Variants in SRD5A2 observed in about 807,000 individuals in gnomAD.
SRD5A2 encodes the protein 3-oxo-5-alpha-steroid 4-dehydrogenase 2.
Under a neutral mutation model 27.4 loss-of-function variants are expected in SRD5A2, and 30 were observed. The ratio of observed to expected loss-of-function variants is 1.10; its 90% CI spans 0.82 to 1.49. SRD5A2 has a LOEUF of 1.49. Ranked by LOEUF, SRD5A2 falls within the 40% of genes most tolerant of loss-of-function variation. The pLI, the probability that SRD5A2 is intolerant of heterozygous loss-of-function variation, is 0.00. For synonymous variants in SRD5A2, 141 were observed against 133.6 expected (o/e 1.06, Z -0.38); for missense variants, 348 against 323.4 (o/e 1.08, Z -0.58).
intron 2 of SRD5A2, among the ~76,000 whole-genome samples, chr2:31,532,755 G>T (rs1665939943): frequency 6.6e-6 from 1 of 150,682 alleles, no homozygotes; most frequent in African/African-American, 2.4e-5. Flanking sequence ...CTAGTCAAAA[G>T]ATCATTAGCC....
chr2:31,656,154 A>G, the SRD5A2 span, among the ~76,000 whole-genome samples: 1 of 152,174 alleles, frequency 6.6e-6, no homozygotes, highest in East Asian at 1.9e-4. Flanking sequence ...ATAGTAGTGA[A>G]AGTTATTTTT....
the SRD5A2 span, among the ~76,000 whole-genome samples, chr2:31,626,335 T>G: frequency 6.6e-6 from 1 of 152,166 alleles, no homozygotes; most frequent in Non-Finnish European, 1.5e-5. Context: ...TTTTCCTCAT[T>G]GGATACCCTT....
chr2:31,595,886 A>C, the SRD5A2 span, among the ~76,000 whole-genome samples: 7 of 152,208 alleles, frequency 4.6e-5, no homozygotes, highest in Non-Finnish European at 1.0e-4. Flanking sequence ...GCTGGGACGC[A>C]GGGTTGGCTT....
rs562165386 is a variant in SRD5A2, at chr2:31,524,120, A to G, written c.*2076T>C. On this transcript the variant is annotated 3_prime_UTR_variant, in exon 5 of 5. Transcript: ENST00000622030. ...TTTTGTCCTGAGACTGAGTACTGCC[A>G]TTTATTGTATATTTATTTCATCTCA... The G allele has an allele frequency of 3.1e-4, 70 of 222,950 alleles. No individual in the cohort carries two copies. The East Asian group carries it at 4.6e-3, about 15-fold the overall frequency. 13.8% of individuals were successfully genotyped at this position (222,950 alleles called of 1,614,324 possible). A position where few individuals can be genotyped will look rare whatever the true frequency, so the allele number is the denominator to read the frequency against.
the SRD5A2 span, among the ~76,000 whole-genome samples, chr2:31,642,395 T>C: frequency 2.6e-5 from 4 of 151,750 alleles, no homozygotes; most frequent in African/African-American, 9.7e-5. Context: ...AACTCAATAT[T>C]AAAAAGACAA....
In SRD5A2 at chr2:31,522,673, C is replaced by G. The variant is rs1665681975; in HGVS notation, c.*3523G>C. The G allele has an allele frequency of 4.5e-6, 1 of 221,672 alleles. No homozygotes were observed. Among genetic ancestry groups the G allele is most frequent in the African/African-American group, 2.2e-5 (1 of 44,678 alleles). 13.7% of individuals were successfully genotyped at this position (221,672 alleles called of 1,614,324 possible). A position where few individuals can be genotyped will look rare whatever the true frequency, so the allele number is the denominator to read the frequency against. The stretch of plus-strand genomic sequence containing the variant: ...CCACTCGATGGCTTATTAAATCACC[C>G]AAGAACTCACATTGCCACCCGGCTC... On this transcript the variant is annotated 3_prime_UTR_variant, in exon 5 of 5. Transcript: ENST00000622030.
the SRD5A2 span, among the ~76,000 whole-genome samples, chr2:31,611,204 C>T: frequency 6.6e-6 from 1 of 152,074 alleles, no homozygotes; most frequent in South Asian, 2.1e-4. Context: ...GCCTTTAAGC[C>T]ACCCAGATGA....
chr2:31,525,435 A>T lies in SRD5A2; in HGVS notation c.*761T>A. 4.4e-6 allele frequency: 1 copy of T among 226,744 alleles called. No individual in the cohort carries two copies. Among genetic ancestry groups the T allele is most frequent in the Non-Finnish European group, 8.8e-6 (1 of 114,018 alleles). The allele number at this position is 226,744 out of a possible 1,614,324, so 14.0% of individuals were successfully genotyped here. A position where few individuals can be genotyped will look rare whatever the true frequency, so the allele number is the denominator to read the frequency against. On this transcript the variant is annotated 3_prime_UTR_variant, in exon 5 of 5. Transcript: ENST00000622030. ...GCCATCCAGGGTCATGTTGTTCTCT[A>T]CTCTCTCATAAGCCACCCAGGTTCA...
At chr2:31,526,985 G>C (rs1665797115) in intron 4 of SRD5A2, 1 of 152,192 alleles carries the variant, frequency 6.6e-6, no homozygotes, top group Admixed American at 6.5e-5. Flanking sequence ...AGATCAGAGT[G>C]ATGCAGCTAT....
rs1405470672 is a variant in SRD5A2 at position 31,541,115 on chromosome 2, T to C, written c.282-7349A>G. On this transcript the variant is annotated intron_variant, in intron 1 of 4. Transcript: ENST00000622030. Reference sequence around the variant, plus strand: ...GGACATTCACAAACAACTGAATATATGGGGAAAATTAGAAAGTTAACACAC... The same window carrying C: ...GGACATTCACAAACAACTGAATATACGGGGAAAATTAGAAAGTTAACACAC... Among the ~76,000 whole-genome samples the C allele has an allele frequency of 3.9e-5, 6 of 152,172 alleles. No individual in the cohort carries two copies. The East Asian group carries it at 9.6e-4, about 24-fold the overall frequency.
At chr2:31,630,948 T>C in the SRD5A2 span, among the ~76,000 whole-genome samples, 14 of 152,196 alleles carry the variant, frequency 9.2e-5, no homozygotes, top group African/African-American at 2.4e-4. Context: ...CAGTAATTGA[T>C]AGGGAGACTC....
At chr2:31,531,561 G>A (rs11903331) in intron 2 of SRD5A2, 89 bp from the exon 3 acceptor site, 29 of 820,806 alleles carry the variant, frequency 3.5e-5, no homozygotes, top group Middle Eastern at 3.0e-4. Flanking sequence ...AATGAAAGGA[G>A]GGGCATTTAA....
chr2:31,540,346 A>G (rs551920473), intron 1 of SRD5A2, among the ~76,000 whole-genome samples: 2 of 152,338 alleles, frequency 1.3e-5, no homozygotes, highest in African/African-American at 4.8e-5. Context: ...AATAAATCCA[A>G]TAAATGTAAA....
intron 1 of SRD5A2, among the ~76,000 whole-genome samples, chr2:31,552,910 C>T (rs1382354641): frequency 6.6e-6 from 1 of 152,134 alleles, no homozygotes; most frequent in Non-Finnish European, 1.5e-5. Flanking sequence ...AAAAACAAAT[C>T]TCCAGCAACC....
intron 1 of SRD5A2, among the ~76,000 whole-genome samples, chr2:31,559,881 A>C (rs924191740): frequency 1.5e-5 from 2 of 137,462 alleles, no homozygotes; most frequent in African/African-American, 5.9e-5. Context: ...CACACACACA[A>C]AGCCATACAA....
intron 1 of SRD5A2, among the ~76,000 whole-genome samples, chr2:31,546,575 G>A (rs1165446165): frequency 6.6e-6 from 1 of 152,126 alleles, no homozygotes; most frequent in African/African-American, 2.4e-5. Context: ...CTTATAAGTA[G>A]GAGCTAAACG....
chr2:31,549,828 A>C (rs1666348106), intron 1 of SRD5A2, among the ~76,000 whole-genome samples: 1 of 152,152 alleles, frequency 6.6e-6, no homozygotes, highest in African/African-American at 2.4e-5. Flanking sequence ...GAAAACCAGA[A>C]AACTAGGAAA....
At chr2:31,554,695 C>T (rs1292504679) in intron 1 of SRD5A2, among the ~76,000 whole-genome samples, 3 of 152,174 alleles carry the variant, frequency 2.0e-5, no homozygotes, top group Non-Finnish European at 2.9e-5. Flanking sequence ...TTTCATTTTG[C>T]TTTTCCCTGG....
intron 1 of SRD5A2, among the ~76,000 whole-genome samples, chr2:31,534,242 T>C (rs1665977799): frequency 6.6e-6 from 1 of 152,212 alleles, no homozygotes; most frequent in Non-Finnish European, 1.5e-5. Context: ...ACCTTTCTAA[T>C]TACTCTTGAA....
Sources: gnomAD v4.1 joint callset for allele counts (sites outside exome capture counted in the v4.1 genomes callset) on GRCh38, gnomAD v4.1.1 for gene constraint, MANE v1.5 for transcripts, NCBI Gene and HGNC (gene_info 2026-07-23, HGNC 2026-07-21) for gene names.